The following RIC1 variants were observed in gnomAD, a reference collection of about 807,000 sequenced individuals.
RIC1 encodes RIC1 partner of RAB6A GEF complex, also known as guanine nucleotide exchange factor subunit RIC1.
A neutral mutation model predicts 169.0 loss-of-function variants in RIC1; 88 were observed. That is an observed-to-expected ratio of 0.52 (90% CI 0.44 to 0.62). The LOEUF (loss-of-function observed/expected upper bound fraction) is 0.62, where lower values mean the gene tolerates loss of function less well. Ranked by LOEUF, RIC1 falls within the 20% of genes least tolerant of loss-of-function variation. RIC1 has a pLI of 0.00. For missense variants in RIC1, 1,877 were observed against 1,725.5 expected (o/e 1.09, Z -1.56); for synonymous variants, 790 against 601.5 (o/e 1.31, Z -4.59).
chr9:5,630,928 TTG>T (rs1230028434), intron 1 of RIC1, among the ~76,000 whole-genome samples: 3 of 152,240 alleles, frequency 2.0e-5, no homozygotes, highest in Non-Finnish European at 2.9e-5. Context: ...TGAATTTAAA[TTG>T]TCTTTTGAAT....
intron 1 of RIC1, among the ~76,000 whole-genome samples, chr9:5,641,087 G>C (rs1035197900): frequency 2.7e-5 from 4 of 150,318 alleles, no homozygotes; most frequent in African/African-American, 9.8e-5. Context: ...GATGCCATAA[G>C]GTAGTCTTCT....
chr9:5,756,480 G>GT, intron 16 of RIC1, 108 bp downstream of exon 16: 1 of 705,134 alleles, frequency 1.4e-6, no homozygotes. Context: ...ATTCAATCTT[G>GT]TTTTTGTTAG....
chr9:5,738,436 T>C lies in RIC1; in HGVS notation c.813-14T>C, dbSNP rs752211984. On this transcript the variant is annotated splice_polypyrimidine_tract_variant and intron_variant, in intron 7 of 25. Coordinates refer to ENST00000414202, the MANE Select transcript of RIC1 (RefSeq NM_020829.4). ...TCTTTTTTCACTAAAAGTTTTTCGT[T>C]GTTGTTTTCACAGTGGTTCTGTGCA... The C allele has an allele frequency of 6.4e-7, 1 of 1,564,042 alleles. No individual in the cohort carries two copies. The highest frequency in any genetic ancestry group is 1.9e-5 in the Admixed American group (1 of 53,460).
intron 6 of RIC1, among the ~76,000 whole-genome samples, chr9:5,721,453 C>T (rs1823583050): frequency 6.6e-6 from 1 of 152,172 alleles, no homozygotes; most frequent in Non-Finnish European, 1.5e-5. Context: ...CACGCGCGTG[C>T]ACACACACAC....
intron 2 of RIC1, among the ~76,000 whole-genome samples, chr9:5,682,455 A>C (rs914944108): frequency 4.6e-5 from 7 of 152,142 alleles, no homozygotes. Flanking sequence ...TGGGTTGAAA[A>C]TTCTTTTCTT....
intron 1 of RIC1, among the ~76,000 whole-genome samples, chr9:5,645,832 G>C (rs1393597576): frequency 6.6e-6 from 1 of 151,964 alleles, no homozygotes; most frequent in Non-Finnish European, 1.5e-5. Context: ...TTTACCTCTT[G>C]GATATTGTGA....
intron 17 of RIC1, among the ~76,000 whole-genome samples, chr9:5,758,027 T>C (rs913466163): frequency 1.3e-5 from 2 of 152,164 alleles, no homozygotes; most frequent in African/African-American, 4.8e-5. Flanking sequence ...GAAAATGAAC[T>C]GAAGTAAGAC....
In RIC1 at chr9:5,763,586, A is replaced by G. The variant is rs147383296; in HGVS notation, c.2559A>G (p.Thr853=). 14 of 1,614,014 alleles carry G rather than the reference A, an allele frequency of 8.7e-6. No individual in the cohort carries two copies. In the African/African-American group the frequency reaches 1.5e-4, roughly 17 times the overall value. ...TGCTCTTGGCCCAGTCCTGTGCCAC[A>G]TTACCTTACTTCCCTCATGTGCTGG... ...QALLLAQSCA[T]LPYFPHVLEL... Residue 853 remains threonine (T), a synonymous_variant, in exon 19 of 26, where the codon ACA becomes ACG. Transcript: ENST00000414202. The surrounding 1 kb of genome is among the most constrained non-coding windows in gnomAD (Gnocchi z 5.2).
rs1208883063 is a variant in RIC1, at chr9:5,765,776, C to T, written c.3115C>T (p.Pro1039Ser). 6.2e-7 allele frequency: 1 copy of T among 1,614,114 alleles called. No homozygotes were observed. Among genetic ancestry groups the T allele is most frequent in the Non-Finnish European group, 8.5e-7 (1 of 1,179,982 alleles). The stretch of plus-strand genomic sequence containing the variant: ...CAGTTTACAGAAAACACTAAGTATG[C>T]CATCTGGTCCCTCTGGAAAAAGGTA... ...KFSLQKTLSM[P>S]SGPSGKRWSK... Residue 1039 changes from proline to serine, a missense_variant, in exon 21 of 26, where the codon CCA (proline) becomes TCA (serine). Pro to Ser is a moderately conservative substitution (Grantham distance 74, BLOSUM62 -1). Coordinates refer to ENST00000414202, the MANE Select transcript of RIC1 (RefSeq NM_020829.4).
intron 3 of RIC1, among the ~76,000 whole-genome samples, chr9:5,710,073 C>A (rs938007544): frequency 6.6e-6 from 1 of 151,982 alleles, no homozygotes. Flanking sequence ...AGCTAAAAAT[C>A]CAAAGAGAAA....
intron 1 of RIC1, among the ~76,000 whole-genome samples, chr9:5,639,607 T>G (rs1422592635): frequency 1.3e-5 from 2 of 152,220 alleles, no homozygotes; most frequent in African/African-American, 2.4e-5. Flanking sequence ...GTCCATTTGT[T>G]GTATAGTGCA....
Position 5,765,761 on chromosome 9 carries a change from AAAAC to A in RIC1, c.3102_3105del (p.Lys1034AsnfsTer2). On this transcript the variant is annotated frameshift_variant, in exon 21 of 26. Transcript: ENST00000414202. LOFTEE classifies it high-confidence loss of function. ...TCCTGCCAGTAAATTCAGTTTACAG[AAAAC>A]ACTAAGTATGCCATCTGGTCCCTCT... is the stretch of plus-strand genomic sequence containing the variant. 3.1e-6 allele frequency: 5 copies of A among 1,614,204 alleles called. No individual in the cohort carries two copies. Among genetic ancestry groups the A allele is most frequent in the Non-Finnish European group, 4.2e-6 (5 of 1,179,998 alleles).
chr9:5,663,282 G>T (rs1236420783), intron 2 of RIC1, among the ~76,000 whole-genome samples: 1 of 152,154 alleles, frequency 6.6e-6, no homozygotes, highest in Non-Finnish European at 1.5e-5. Context: ...GCCTTGTGAT[G>T]ATGAGAACAA....
At chr9:5,727,274 A>G (rs1035743334) in intron 6 of RIC1, among the ~76,000 whole-genome samples, 1 of 151,880 alleles carries the variant, frequency 6.6e-6, no homozygotes. Context: ...TTTTTTCTCT[A>G]AACTTCTCTT....
chr9:5,660,494 C>A (rs909115594), intron 2 of RIC1, among the ~76,000 whole-genome samples: 1 of 152,200 alleles, frequency 6.6e-6, no homozygotes, highest in Non-Finnish European at 1.5e-5. Flanking sequence ...TCCTTTTTCT[C>A]CACAACCTAA....
At chr9:5,678,235 T>C (rs552666070) in intron 2 of RIC1, among the ~76,000 whole-genome samples, 98 of 152,340 alleles carry the variant, frequency 6.4e-4, no homozygotes, top group Non-Finnish European at 1.3e-3. Flanking sequence ...ATTTTCTTAA[T>C]CCAGTCTATC....
chr9:5,686,547 T>C (rs890289654), intron 2 of RIC1, among the ~76,000 whole-genome samples: 1 of 147,606 alleles, frequency 6.8e-6, no homozygotes, highest in African/African-American at 2.5e-5. Context: ...AAACACCGCA[T>C]ATTCTCACTC....
intron 2 of RIC1, among the ~76,000 whole-genome samples, chr9:5,660,254 A>G (rs1401717435): frequency 6.6e-6 from 1 of 152,180 alleles, no homozygotes; most frequent in African/African-American, 2.4e-5. Flanking sequence ...TCAGTCTATC[A>G]TCGGGGGACA....
intron 3 of RIC1, among the ~76,000 whole-genome samples, chr9:5,702,580 C>T (rs1009599061): frequency 6.6e-6 from 1 of 152,090 alleles, no homozygotes; most frequent in Non-Finnish European, 1.5e-5. Context: ...CACTCTGTTG[C>T]CAGGCTGGAG....
Sources: allele counts gnomAD v4.1 joint callset (sites outside exome capture counted in the v4.1 genomes callset), GRCh38; gene constraint gnomAD v4.1.1; non-coding constraint Gnocchi (gnomAD v3.1); transcripts MANE v1.5; gene names NCBI Gene and HGNC (gene_info 2026-07-23, HGNC 2026-07-21).